LARS2: variants seen among roughly 807,000 people sequenced by gnomAD.
LARS2 encodes leucine--tRNA ligase, mitochondrial.
A neutral mutation model predicts 116.6 loss-of-function variants in LARS2; 81 were observed. That is an observed-to-expected ratio of 0.69 (90% CI 0.58 to 0.84). The LOEUF (loss-of-function observed/expected upper bound fraction) is 0.84, where lower values mean the gene tolerates loss of function less well. LARS2 is among the 40% of genes least tolerant of loss of function. The pLI is 0.00. For synonymous variants in LARS2, 396 were observed against 407.2 expected (o/e 0.97, Z 0.33); for missense variants, 968 against 1,114.5 (o/e 0.87, Z 1.87).
intron 6 of LARS2, among the ~76,000 whole-genome samples, chr3:45,425,833 G>C (rs1423904536): frequency 6.6e-6 from 1 of 151,592 alleles, no homozygotes; most frequent in Non-Finnish European, 1.5e-5. Context: ...TAAAACGCTT[G>C]ATGACAATGC....
At chr3:45,458,982 G>T (rs1022846091) in intron 8 of LARS2, 96 bp downstream of exon 8, 1 of 1,286,862 alleles carries the variant, frequency 7.8e-7, no homozygotes, top group Admixed American at 1.8e-5. Context: ...TGTTGGGGTT[G>T]AGCTCTAGGA....
chr3:45,471,785 C>T (rs17639261), intron 8 of LARS2, among the ~76,000 whole-genome samples: 1,793 of 152,248 alleles, frequency 0.012, 17 homozygotes, highest in Non-Finnish European at 0.018. Flanking sequence ...AATATACTTG[C>T]GTGCTCGTTG....
intron 3 of LARS2, among the ~76,000 whole-genome samples, chr3:45,395,581 G>C (rs906585075): frequency 2.6e-5 from 4 of 152,200 alleles, no homozygotes; most frequent in African/African-American, 9.7e-5. Context: ...AGTAGTTATA[G>C]TCAAATAATA....
intron 7 of LARS2, among the ~76,000 whole-genome samples, chr3:45,447,456 A>G (rs1044836404): frequency 2.0e-5 from 3 of 152,218 alleles, no homozygotes; most frequent in Non-Finnish European, 2.9e-5. Flanking sequence ...GTGGGTCACG[A>G]CAGCCCTGTC....
At chr3:45,512,010 G>A (rs950921600) in intron 15 of LARS2, among the ~76,000 whole-genome samples, 18 of 151,954 alleles carry the variant, frequency 1.2e-4, no homozygotes, top group African/African-American at 4.4e-4. Context: ...TTTGAGCTCA[G>A]GCAATCCACC....
intron 6 of LARS2, among the ~76,000 whole-genome samples, chr3:45,424,111 A>G (rs1056875369): frequency 6.0e-5 from 9 of 149,784 alleles, no homozygotes; most frequent in African/African-American, 2.2e-4. Context: ...TGCAAGTCTT[A>G]TTCAGATTTC....
At chr3:45,546,829 G>C (rs1307513825) in intron 21 of LARS2, among the ~76,000 whole-genome samples, 2 of 152,170 alleles carry the variant, frequency 1.3e-5, no homozygotes, top group East Asian at 3.9e-4. Flanking sequence ...CCTCACACTA[G>C]AGCGCCCCCT....
At chr3:45,515,672 G>A (rs1183140506) in intron 16 of LARS2, among the ~76,000 whole-genome samples, 1 of 152,240 alleles carries the variant, frequency 6.6e-6, no homozygotes, top group Non-Finnish European at 1.5e-5. Context: ...ATGTTTTGGT[G>A]ACTGCAACAT....
intron 15 of LARS2, among the ~76,000 whole-genome samples, chr3:45,507,587 C>T (rs75641141): frequency 0.036 from 5,403 of 152,140 alleles, 142 homozygotes; most frequent in Middle Eastern, 0.068. Context: ...AATCCATCTA[C>T]GTGGAGCACA....
At chr3:45,540,022 G>A (rs1272439276) in intron 20 of LARS2, among the ~76,000 whole-genome samples, 4 of 152,128 alleles carry the variant, frequency 2.6e-5, no homozygotes, top group Admixed American at 2.6e-4. Flanking sequence ...TGTAATCCCA[G>A]TGCTTCGGGT....
At chr3:45,518,970 G>A (rs1191698945) in intron 18 of LARS2, among the ~76,000 whole-genome samples, 1 of 152,168 alleles carries the variant, frequency 6.6e-6, no homozygotes, top group Non-Finnish European at 1.5e-5. Context: ...GGGTCTGAGT[G>A]ATGCCTGAGC....
chr3:45,522,423 A>G (rs1264517156), intron 19 of LARS2, among the ~76,000 whole-genome samples: 1 of 152,124 alleles, frequency 6.6e-6, no homozygotes, highest in East Asian at 1.9e-4. Flanking sequence ...TTATGATATA[A>G]TGTTAAGTAA....
chr3:45,437,216 C>T (rs1025859543), intron 6 of LARS2, among the ~76,000 whole-genome samples: 1 of 152,150 alleles, frequency 6.6e-6, no homozygotes, highest in African/African-American at 2.4e-5. Context: ...ATTTGAAAAA[C>T]AAGACCTTTA....
At chr3:45,466,860 G>T (rs766337130) in intron 8 of LARS2, among the ~76,000 whole-genome samples, 2 of 152,152 alleles carry the variant, frequency 1.3e-5, no homozygotes, top group Admixed American at 6.6e-5. Context: ...GGGATTACAG[G>T]CGCCTGCCAC....
chr3:45,444,171 AT>A (rs71095037), intron 6 of LARS2, among the ~76,000 whole-genome samples: 25 of 132,064 alleles, frequency 1.9e-4, no homozygotes, highest in African/African-American at 6.1e-4. Flanking sequence ...TTCCTGGCTA[AT>A]TTTTTTTTTT....
At position 45,450,525 on chromosome 3, in the gene LARS2, A is replaced by T. The variant is rs145595420; in HGVS notation, c.606+3545A>T. 2.8e-3 allele frequency among the ~76,000 whole-genome samples: 433 copies of T among 152,238 alleles called. 6 individuals are homozygous for T. Among genetic ancestry groups the T allele is most frequent in the African/African-American group, 9.9e-3 (410 of 41,550 alleles). On this transcript the variant is annotated intron_variant, in intron 7 of 21. Transcript: ENST00000645846. ...AATTTCTATGCCTGGCTTATGTCAC[A>T]TGGTAACCTCCAGTTCCATTCATTT...
chr3:45,430,139 T>G, intron 6 of LARS2, among the ~76,000 whole-genome samples: 1 of 140,480 alleles, frequency 7.1e-6, no homozygotes, highest in East Asian at 2.2e-4. Flanking sequence ...GCCTGGCCAA[T>G]TTTTTTTGTA....
chr3:45,419,676 A>G lies in LARS2; in HGVS notation c.463A>G (p.Lys155Glu). Residue 155 changes from lysine (K) to glutamate (E), a missense_variant, in exon 6 of 22, where the codon AAA (lysine) becomes GAA (glutamate). Transcript: ENST00000645846. ...TTTCCCATTGTTTCACAGTAATATT[A>G]AACACATGAGGAAACAGCTTGATCG... ...HPQSWTQSNIKHMRKQLDRLG... is the reference protein window; with the variant it reads ...HPQSWTQSNIEHMRKQLDRLG... 6.2e-7 allele frequency: 1 copy of G among 1,613,652 alleles called. No individual in the cohort carries two copies. The highest frequency in any genetic ancestry group is 8.5e-7 in the Non-Finnish European group (1 of 1,179,570).
rs1389285730 is a variant in LARS2, at chr3:45,419,707, G to C, written c.494G>C (p.Gly165Ala). 3 of 1,613,980 alleles carry C rather than the reference G, an allele frequency of 1.9e-6. No homozygotes were observed. In the East Asian group the frequency reaches 6.7e-5, roughly 36 times the overall value. The change falls in exon 6 of 22, where the codon GGC becomes GCC. Residue 165 changes from glycine (G) to alanine (A), a missense_variant. By Grantham distance (60) the Gly-to-Ala change is moderately conservative. Transcript: ENST00000645846. ...KHMRKQLDRL[G>A]LCFSWDREIT... ...ATGAGGAAACAGCTTGATCGTCTGG[G>C]CCTGTGTTTCAGCTGGGATAGGGTA...
Sources: gnomAD v4.1 joint callset for allele counts (sites outside exome capture counted in the v4.1 genomes callset) on GRCh38, gnomAD v4.1.1 for gene constraint, MANE v1.5 for transcripts, NCBI Gene and HGNC (gene_info 2026-07-23, HGNC 2026-07-21) for gene names.